The following GLB1 variants were observed in gnomAD, a reference collection of about 807,000 sequenced individuals.
GLB1 encodes the protein galactosidase beta 1.
Under a neutral mutation model 74.0 loss-of-function variants are expected in GLB1, and 56 were observed. The observed-to-expected ratio is 0.76, with a 90% CI of 0.61 to 0.94. The LOEUF is 0.94. Ranked by LOEUF, GLB1 falls within the 40% of genes least tolerant of loss-of-function variation. The probability of loss-of-function intolerance (pLI) is 0.00; values close to 1 mark genes in which losing one functional copy is unlikely to be tolerated. For synonymous variants in GLB1, 323 were observed against 323.6 expected, an observed-to-expected ratio of 1.00 and a Z score of 0.02; for missense variants, 787 against 845.5, an observed-to-expected ratio of 0.93 and a Z score of 0.86.
chr3:32,990,072 A>G, the GLB1 span, among the ~76,000 whole-genome samples: 1 of 152,290 alleles, frequency 6.6e-6, no homozygotes, highest in East Asian at 1.9e-4. Flanking sequence ...GATAGCTCTG[A>G]TCCCTGCATC....
the GLB1 span, among the ~76,000 whole-genome samples, chr3:32,983,263 G>A: frequency 6.6e-6 from 1 of 151,972 alleles, no homozygotes; most frequent in East Asian, 1.9e-4. Context: ...TTTATCCTCT[G>A]GGTCTCTAAA....
chr3:33,038,094 T>G (rs534411926), intron 10 of GLB1: 4 of 148,476 alleles, frequency 2.7e-5, no homozygotes, highest in African/African-American at 9.7e-5. Flanking sequence ...TGCCATATCT[T>G]TAAAACTTGC....
At chr3:33,092,247 G>A in intron 1 of GLB1, 1 of 985,732 alleles carries the variant, frequency 1.0e-6, no homozygotes. Flanking sequence ...TTGCATTCCA[G>A]TAGATTTTGC....
intron 1 of GLB1, among the ~76,000 whole-genome samples, chr3:33,079,863 C>A (rs1700262290): frequency 6.6e-6 from 1 of 152,122 alleles, no homozygotes; most frequent in Non-Finnish European, 1.5e-5. Flanking sequence ...CTCACTGCAG[C>A]CTTGACCTCC....
Position 33,096,597 on chromosome 3 carries a change from C to T in GLB1, c.75+414G>A, listed in dbSNP as rs1172526087. On this transcript the variant is annotated intron_variant, in intron 1 of 15. Transcript: ENST00000307363. ...TGACCCCATTTTTCTCCTTCCGGAG[C>T]GCTCCGCAGAGCACCAACTGGGAAA... The T allele has an allele frequency of 2.3e-5, 24 of 1,040,852 alleles. 1 individual carries two copies. In the South Asian group the frequency reaches 7.0e-4, roughly 30 times the overall value. The allele number at this position is 1,040,852 out of a possible 1,614,324, so 64.5% of individuals were successfully genotyped here.
intron 9 of GLB1, among the ~76,000 whole-genome samples, chr3:33,050,056 A>G (rs1698912135): frequency 6.6e-6 from 1 of 152,218 alleles, no homozygotes; most frequent in South Asian, 2.1e-4. Context: ...ATTCAGAGAG[A>G]AAAATGCAAA....
chr3:33,067,962 T>C lies in GLB1; in HGVS notation c.457+268A>G, dbSNP rs1699751974. Among the ~76,000 whole-genome samples the C allele has an allele frequency of 6.6e-6, 1 of 152,234 alleles. No homozygotes were observed. Among genetic ancestry groups the C allele is most frequent in the African/African-American group, 2.4e-5 (1 of 41,460 alleles). On this transcript the variant is annotated intron_variant, in intron 4 of 15. Transcript: ENST00000307363. ...GTGCATTGATACGATCTCGGTTCAC[T>C]GCAACTTCCGCCTCCAGGGTTCAAG...
chr3:33,077,118 C>G, intron 1 of GLB1: 1 of 1,421,898 alleles, frequency 7.0e-7, no homozygotes, highest in Non-Finnish European at 9.3e-7. Context: ...TCCTTCTTCT[C>G]CCACTCCTGT....
chr3:33,051,696 C>A (rs1416808658), intron 9 of GLB1, 62 bp downstream of exon 9: 2 of 1,612,386 alleles, frequency 1.2e-6, no homozygotes, highest in African/African-American at 2.7e-5. Context: ...GCACACCCCT[C>A]CTCAAATTAA....
At chr3:33,081,978 AAG>A (rs1316666771) in intron 1 of GLB1, among the ~76,000 whole-genome samples, 1 of 152,244 alleles carries the variant, frequency 6.6e-6, no homozygotes, top group South Asian at 2.1e-4. Flanking sequence ...AATTTGATGG[AAG>A]GTTGGATGGA....
the GLB1 span, among the ~76,000 whole-genome samples, chr3:32,984,927 G>A: frequency 6.7e-6 from 1 of 149,790 alleles, no homozygotes; most frequent in Non-Finnish European, 1.5e-5. Context: ...AGGTGACAGA[G>A]CGAGACTCTG....
chr3:33,069,110 C>CTGGG, intron 2 of GLB1, 140 bp from the exon 3 acceptor site: 1 of 1,444,050 alleles, frequency 6.9e-7, no homozygotes, highest in Non-Finnish European at 9.4e-7. Context: ...TTATCCAAGG[C>CTGGG]TGGGCACAGT....
intron 15 of GLB1, among the ~76,000 whole-genome samples, chr3:33,000,274 G>A (rs1696503487): frequency 6.6e-6 from 1 of 152,170 alleles, no homozygotes; most frequent in Admixed American, 6.5e-5. Context: ...GGAATGCTAG[G>A]AATGGAATTG....
At chr3:33,046,329 C>T in intron 9 of GLB1, 97 bp from the exon 10 acceptor site, 3 of 1,416,470 alleles carry the variant, frequency 2.1e-6, no homozygotes, top group Non-Finnish European at 3.0e-6. Context: ...AGAGAGAAAA[C>T]TAGAAGACAC....
the GLB1 span, among the ~76,000 whole-genome samples, chr3:32,986,594 C>CTTTTT: frequency 2.1e-3 from 298 of 142,416 alleles, 3 homozygotes; most frequent in African/African-American, 7.1e-3. Context: ...GACTGTTTCT[C>CTTTTT]TTTTTTTTTT....
intron 10 of GLB1, among the ~76,000 whole-genome samples, chr3:33,041,535 G>A (rs1159783700): frequency 1.3e-5 from 2 of 151,772 alleles, no homozygotes; most frequent in Non-Finnish European, 1.5e-5. Context: ...GGTGATGCAC[G>A]CCTGTAATCC....
At chr3:32,967,862 TG>T in the GLB1 span, among the ~76,000 whole-genome samples, 34 of 152,074 alleles carry the variant, frequency 2.2e-4, no homozygotes, top group African/African-American at 7.0e-4. Context: ...GGAACGGAAC[TG>T]GGGGTGGGGC....
chr3:33,036,908 G>A (rs1698301647), intron 10 of GLB1, among the ~76,000 whole-genome samples: 1 of 152,160 alleles, frequency 6.6e-6, no homozygotes, highest in African/African-American at 2.4e-5. Context: ...CAGAGTTTCT[G>A]TCTGGAAGGA....
chr3:32,995,118 A>G (rs1378288679), downstream of GLB1, among the ~76,000 whole-genome samples: 1 of 152,114 alleles, frequency 6.6e-6, no homozygotes. Context: ...CAATTGTAAA[A>G]TGGACTTATT....
Sources: allele counts gnomAD v4.1 joint callset (sites outside exome capture counted in the v4.1 genomes callset), GRCh38; gene constraint gnomAD v4.1.1; transcripts MANE v1.5; gene names NCBI Gene and HGNC (gene_info 2026-07-23, HGNC 2026-07-21).